VPS13B: variants seen among roughly 807,000 people sequenced by gnomAD.
VPS13B encodes vacuolar protein sorting 13 homolog B.
VPS13B carries 285 observed loss-of-function variants against 426.4 expected under a neutral mutation model. The observed-to-expected ratio is 0.67, with a 90% CI of 0.61 to 0.74. The LOEUF (loss-of-function observed/expected upper bound fraction) is 0.74. Ranked by LOEUF, VPS13B falls within the 30% of genes least tolerant of loss-of-function variation. The pLI, the probability that VPS13B is intolerant of heterozygous loss-of-function variation, is 0.00. For missense variants in VPS13B, 4,537 were observed against 4,782.6 expected, an observed-to-expected ratio of 0.95 and a Z score of 1.51; for synonymous variants, 1,676 against 1,676.4, an observed-to-expected ratio of 1.00 and a Z score of 0.01.
At chr8:99,700,213 A>G (rs758644983) in intron 36 of VPS13B, among the ~76,000 whole-genome samples, 3 of 152,238 alleles carry the variant, frequency 2.0e-5, no homozygotes, top group Admixed American at 6.5e-5. Flanking sequence ...TAAAACAGCT[A>G]TAGTGGAACA....
At chr8:99,458,352 A>G (rs1182673840) in intron 23 of VPS13B, among the ~76,000 whole-genome samples, 1 of 151,082 alleles carries the variant, frequency 6.6e-6, no homozygotes, top group African/African-American at 2.4e-5. Flanking sequence ...AGTCTTTGCT[A>G]TTGCGAATAG....
At chr8:99,577,035 C>T (rs975776182) in intron 32 of VPS13B, among the ~76,000 whole-genome samples, 4 of 152,094 alleles carry the variant, frequency 2.6e-5, no homozygotes, top group African/African-American at 9.7e-5. Context: ...TCCTCAAGAG[C>T]AGGTTGCCCT....
Position 99,877,229 on chromosome 8 carries a change from A to ACTT in VPS13B, c.*1564_*1566dup, listed in dbSNP as rs763766214. The ACTT allele has an allele frequency of 6.6e-6, 1 of 152,534 alleles. No homozygotes were observed. The highest frequency in any genetic ancestry group is 1.5e-5 in the Non-Finnish European group (1 of 68,040). 9.4% of individuals were successfully genotyped at this position (152,534 alleles called of 1,614,324 possible). Reference sequence around the variant, plus strand: ...TATATAATTGTTACTGGAAAGCAAGACTTAACGAACAATTCTGACTATGAA... The same window carrying ACTT: ...TATATAATTGTTACTGGAAAGCAAGACTTCTTAACGAACAATTCTGACTATGAA... On this transcript the variant is annotated 3_prime_UTR_variant, in exon 62 of 62. Transcript: ENST00000357162.
intron 19 of VPS13B, among the ~76,000 whole-genome samples, chr8:99,276,651 T>A (rs1427988419): frequency 6.6e-6 from 1 of 152,194 alleles, no homozygotes; most frequent in Non-Finnish European, 1.5e-5. Context: ...TTGGCCTATG[T>A]GGTTTGTCTA....
chr8:99,400,447 T>G (rs1474788830), intron 21 of VPS13B, among the ~76,000 whole-genome samples: 2 of 152,160 alleles, frequency 1.3e-5, no homozygotes, highest in Admixed American at 6.5e-5. Context: ...CCTAAAATAG[T>G]AGTCTTCAAT....
chr8:99,359,160 A>T (rs1222131800), intron 19 of VPS13B, among the ~76,000 whole-genome samples: 1 of 152,172 alleles, frequency 6.6e-6, no homozygotes, highest in African/African-American at 2.4e-5. Context: ...AAAATGCAAA[A>T]AATGTAGTCC....
intron 19 of VPS13B, among the ~76,000 whole-genome samples, chr8:99,312,876 C>CT (rs1454728772): frequency 2.0e-5 from 3 of 152,154 alleles, no homozygotes; most frequent in South Asian, 2.1e-4. Context: ...TCTTTTTACT[C>CT]TTTTTTCTGT....
intron 4 of VPS13B, among the ~76,000 whole-genome samples, chr8:99,097,858 A>G (rs1340448456): frequency 1.4e-5 from 2 of 143,842 alleles, no homozygotes; most frequent in Non-Finnish European, 3.2e-5. Flanking sequence ...TCAAGCAGGG[A>G]AAAAAAATCT....
At position 99,156,558 on chromosome 8, in the gene VPS13B, A is replaced by G; in HGVS notation, c.2023A>G (p.Asn675Asp). 6.2e-7 allele frequency: 1 copy of G among 1,613,972 alleles called. No individual in the cohort carries two copies. The highest frequency in any genetic ancestry group is 8.5e-7 in the Non-Finnish European group (1 of 1,179,858). Residue 675 changes from asparagine (N) to aspartate (D), a missense_variant, in exon 15 of 62, where the codon AAC becomes GAC. Physicochemically the swap from Asn to Asp is conservative, Grantham distance 23. Coordinates refer to ENST00000357162, the MANE Select transcript of VPS13B (RefSeq NM_152564.5). ...PVIMGEKNSSNFMNTTNFQSL... is the reference protein window; with the variant it reads ...PVIMGEKNSSDFMNTTNFQSL... ...CACTATTATTTTCTAGAACTCAAGT[A>G]ACTTCATGAATACTACAAACTTCCA...
At chr8:99,248,193 C>A (rs1480857055) in intron 17 of VPS13B, among the ~76,000 whole-genome samples, 1 of 152,092 alleles carries the variant, frequency 6.6e-6, no homozygotes, top group African/African-American at 2.4e-5. Flanking sequence ...GGTATAATAG[C>A]CTGTCCCTAT....
chr8:99,767,493 C>CAAAAAAAAAA (rs869220303), intron 40 of VPS13B, among the ~76,000 whole-genome samples: 2 of 33,328 alleles, frequency 6.0e-5, no homozygotes, highest in Admixed American at 3.9e-4. Flanking sequence ...GCAACTCTCT[C>CAAAAAAAAAA]AAAAAAAAAA....
chr8:99,869,846 A>G (rs902666160), intron 59 of VPS13B, among the ~76,000 whole-genome samples: 1 of 152,236 alleles, frequency 6.6e-6, no homozygotes, highest in African/African-American at 2.4e-5. Context: ...TCTAATGACT[A>G]TGCGTCGTTT....
intron 33 of VPS13B, among the ~76,000 whole-genome samples, chr8:99,609,349 A>G (rs578189443): frequency 6.6e-6 from 1 of 152,206 alleles, no homozygotes; most frequent in East Asian, 1.9e-4. Context: ...AAACCTAAAT[A>G]TTGGGAATTT....
At chr8:99,154,722 A>G (rs2132619155) in intron 14 of VPS13B, among the ~76,000 whole-genome samples, 1 of 152,286 alleles carries the variant, frequency 6.6e-6, no homozygotes, top group South Asian at 2.1e-4. Flanking sequence ...CCCTAGGAAT[A>G]AGTACAGATT....
chr8:99,700,757 AG>A (rs1832237503), intron 36 of VPS13B, among the ~76,000 whole-genome samples: 2 of 152,190 alleles, frequency 1.3e-5, no homozygotes, highest in South Asian at 4.1e-4. Context: ...GATTGTGAGG[AG>A]GGGAAGAGGA....
chr8:99,699,570 G>A lies in VPS13B; in HGVS notation c.6092G>A (p.Ser2031Asn). The A allele has an allele frequency of 1.2e-6, 2 of 1,613,968 alleles. No homozygotes were observed. The highest frequency in any genetic ancestry group is 8.5e-7 in the Non-Finnish European group (1 of 1,179,984). The change falls in exon 36 of 62, where the codon AGT (serine) becomes AAT (asparagine). Residue 2031 changes from serine to asparagine, a missense_variant. By Grantham distance (46) the Ser-to-Asn change is conservative. Coordinates refer to ENST00000357162, the MANE Select transcript of VPS13B (RefSeq NM_152564.5). ...DISKPLKANLSFTKLDQINLF... is the reference protein window; with the variant it reads ...DISKPLKANLNFTKLDQINLF... The stretch of plus-strand genomic sequence containing the variant: ...TCAAAGCCTTTGAAAGCAAACCTGA[G>A]TTTCACCAAACTGGATCAGATAAAC...
chr8:99,461,582 C>A (rs1179423794), intron 23 of VPS13B, among the ~76,000 whole-genome samples: 1 of 151,942 alleles, frequency 6.6e-6, no homozygotes, highest in Non-Finnish European at 1.5e-5. Flanking sequence ...ATTGTTTTCC[C>A]TACTTAACAG....
At chr8:99,248,145 T>C (rs1286324209) in intron 17 of VPS13B, among the ~76,000 whole-genome samples, 1 of 152,246 alleles carries the variant, frequency 6.6e-6, no homozygotes, top group Non-Finnish European at 1.5e-5. Flanking sequence ...TTAAGATATT[T>C]CTTTAATGAT....
intron 19 of VPS13B, among the ~76,000 whole-genome samples, chr8:99,298,013 G>A (rs1306701426): frequency 1.3e-5 from 2 of 152,108 alleles, no homozygotes; most frequent in Admixed American, 6.5e-5. Flanking sequence ...ATCTTTTTGA[G>A]CTTGCCTGAC....
Sources: allele counts gnomAD v4.1 joint callset (sites outside exome capture counted in the v4.1 genomes callset), GRCh38; gene constraint gnomAD v4.1.1; transcripts MANE v1.5; gene names NCBI Gene and HGNC (gene_info 2026-07-23, HGNC 2026-07-21).